The following PTPRD variants were observed in gnomAD, a reference collection of about 807,000 sequenced individuals.
PTPRD encodes receptor-type tyrosine-protein phosphatase delta.
Under a neutral mutation model 214.5 loss-of-function variants are expected in PTPRD, and 34 were observed. The observed-to-expected ratio is 0.16, with a 90% CI of 0.12 to 0.21. The LOEUF (loss-of-function observed/expected upper bound fraction) is 0.21, where lower values mean the gene tolerates loss of function less well. PTPRD is among the 10% of genes least tolerant of loss of function. The pLI, the probability that PTPRD is intolerant of heterozygous loss-of-function variation, is 1.00. For missense variants in PTPRD, 2,545 were observed against 2,398.7 expected (o/e 1.06, Z -1.27); for synonymous variants, 1,128 against 845.7 (o/e 1.33, Z -5.79).
chr9:9,988,756 G>T lies in PTPRD; in HGVS notation c.-472+44962C>A, dbSNP rs1293730562. On this transcript the variant is annotated intron_variant, in intron 4 of 45. Coordinates refer to ENST00000381196, the MANE Select transcript of PTPRD (RefSeq NM_002839.4). ...ATAAAAACTCTAAAAAGTGTATTAA[G>T]TAATTTTTAAGATACATACATTTAT... Among the ~76,000 whole-genome samples, 3 of 151,972 alleles carry T rather than the reference G, an allele frequency of 2.0e-5. No individual in the cohort carries two copies. The Middle Eastern group carries it at 0.01, about 517-fold the overall frequency.
At chr9:9,101,099 A>AATG (rs1208037958) in intron 10 of PTPRD, among the ~76,000 whole-genome samples, 18 of 89,270 alleles carry the variant, frequency 2.0e-4, no homozygotes, top group Non-Finnish European at 4.8e-4. Context: ...GCCAATGTAA[A>AATG]ACAGAGAGAG....
chr9:9,894,200 C>T (rs1704124235), intron 5 of PTPRD, among the ~76,000 whole-genome samples: 1 of 152,090 alleles, frequency 6.6e-6, no homozygotes, highest in African/African-American at 2.4e-5. Context: ...CCTTCAACAG[C>T]CTCCTGGCTG....
At chr9:8,657,958 T>A (rs531984584) in intron 12 of PTPRD, among the ~76,000 whole-genome samples, 1 of 152,350 alleles carries the variant, frequency 6.6e-6, no homozygotes, top group South Asian at 2.1e-4. Flanking sequence ...TTATTTTTTC[T>A]GGATTTCACA....
intron 9 of PTPRD, among the ~76,000 whole-genome samples, chr9:9,195,499 C>G (rs558805655): frequency 5.9e-5 from 9 of 152,132 alleles, no homozygotes; most frequent in African/African-American, 2.2e-4. Context: ...AGGGACTGTG[C>G]TGGTCTGTTT....
chr9:10,586,681 A>G (rs1232368994), intron 2 of PTPRD, among the ~76,000 whole-genome samples: 2 of 152,134 alleles, frequency 1.3e-5, no homozygotes, highest in African/African-American at 4.8e-5. Flanking sequence ...AGTGCCGAGA[A>G]TGAATTATTC....
At chr9:9,192,241 G>GA (rs2099935692) in intron 9 of PTPRD, among the ~76,000 whole-genome samples, 1 of 151,838 alleles carries the variant, frequency 6.6e-6, no homozygotes, top group Non-Finnish European at 1.5e-5. Context: ...AAAGCTGTAA[G>GA]AAAAAAATTA....
intron 11 of PTPRD, among the ~76,000 whole-genome samples, chr9:8,978,877 T>A (rs193024203): frequency 6.6e-6 from 1 of 152,272 alleles, no homozygotes; most frequent in East Asian, 1.9e-4. Flanking sequence ...TAATGATTCC[T>A]GAAAACGTCT....
intron 8 of PTPRD, among the ~76,000 whole-genome samples, chr9:9,442,798 T>C (rs1440103071): frequency 2.0e-5 from 3 of 152,196 alleles, no homozygotes; most frequent in Admixed American, 6.5e-5. Context: ...GGTTTTAATG[T>C]TTCTGTTTAG....
intron 9 of PTPRD, among the ~76,000 whole-genome samples, chr9:9,359,374 C>A (rs933357858): frequency 2.8e-4 from 42 of 151,364 alleles, no homozygotes; most frequent in African/African-American, 9.9e-4. Flanking sequence ...TAATGGTATG[C>A]ATGACTTCAC....
chr9:9,490,925 T>C (rs1387160092), intron 8 of PTPRD, among the ~76,000 whole-genome samples: 2 of 151,050 alleles, frequency 1.3e-5, no homozygotes, highest in Non-Finnish European at 1.5e-5. Context: ...CTAATTAATA[T>C]GAATATAAAT....
intron 11 of PTPRD, among the ~76,000 whole-genome samples, chr9:8,787,320 G>C (rs986468391): frequency 3.9e-5 from 6 of 152,220 alleles, no homozygotes; most frequent in African/African-American, 1.4e-4. Flanking sequence ...CAGCAATATG[G>C]AGTCAAAGCT....
chr9:8,668,298 G>T (rs1233828286), intron 12 of PTPRD, among the ~76,000 whole-genome samples: 1 of 152,272 alleles, frequency 6.6e-6, no homozygotes, highest in Non-Finnish European at 1.5e-5. Flanking sequence ...TAACCTAAAA[G>T]AGGCTTTAAT....
At chr9:9,046,593 G>C (rs1377488897) in intron 10 of PTPRD, among the ~76,000 whole-genome samples, 1 of 152,100 alleles carries the variant, frequency 6.6e-6, no homozygotes, top group Non-Finnish European at 1.5e-5. Flanking sequence ...ATGAAAACCA[G>C]TCAAATAGGT....
At chr9:9,209,648 T>C (rs1317167079) in intron 9 of PTPRD, among the ~76,000 whole-genome samples, 1 of 152,286 alleles carries the variant, frequency 6.6e-6, no homozygotes, top group Middle Eastern at 3.4e-3. Context: ...GACAGGACTA[T>C]AAATAAACCA....
intron 7 of PTPRD, among the ~76,000 whole-genome samples, chr9:9,733,518 G>C (rs927088974): frequency 1.3e-5 from 2 of 152,164 alleles, no homozygotes; most frequent in African/African-American, 4.8e-5. Flanking sequence ...GAAATGAAAT[G>C]ATTATAACAT....
chr9:8,810,601 C>T (rs2096782129), intron 11 of PTPRD, among the ~76,000 whole-genome samples: 1 of 152,142 alleles, frequency 6.6e-6, no homozygotes. Flanking sequence ...TCTAAAGGAA[C>T]ACACTCTAAC....
intron 2 of PTPRD, among the ~76,000 whole-genome samples, chr9:10,471,965 T>G (rs1164353439): frequency 6.6e-6 from 1 of 152,114 alleles, no homozygotes; most frequent in Non-Finnish European, 1.5e-5. Flanking sequence ...TCTTTGTGAT[T>G]ATTTCAATTT....
At chr9:9,663,971 C>T (rs1296655075) in intron 7 of PTPRD, among the ~76,000 whole-genome samples, 2 of 149,716 alleles carry the variant, frequency 1.3e-5, no homozygotes, top group Non-Finnish European at 3.0e-5. Context: ...TCCTATATAA[C>T]ATATTACAAT....
intron 35 of PTPRD, among the ~76,000 whole-genome samples, chr9:8,426,295 G>A (rs979078433): frequency 2.6e-5 from 4 of 152,142 alleles, no homozygotes; most frequent in East Asian, 1.9e-4. Flanking sequence ...ATCAAGCAGC[G>A]TAGCTACTAA....
Sources: gnomAD v4.1 joint callset for allele counts (sites outside exome capture counted in the v4.1 genomes callset) on GRCh38, gnomAD v4.1.1 for gene constraint, MANE v1.5 for transcripts, NCBI Gene and HGNC (gene_info 2026-07-23, HGNC 2026-07-21) for gene names.